The following SREK1IP1 variants were observed in gnomAD, a reference collection of about 807,000 sequenced individuals.
The protein encoded by SREK1IP1 is SREK1 interacting protein 1.
Under a neutral mutation model 22.8 loss-of-function variants are expected in SREK1IP1, and 12 were observed. The observed-to-expected ratio is 0.53, with a 90% CI of 0.34 to 0.85. The LOEUF (loss-of-function observed/expected upper bound fraction) is 0.85. SREK1IP1 is among the 40% of genes least tolerant of loss of function. The probability of loss-of-function intolerance (pLI) is 0.02; values close to 1 mark genes in which losing one functional copy is unlikely to be tolerated. For missense variants in SREK1IP1, 147 were observed against 171.8 expected (o/e 0.86, Z 0.81); for synonymous variants, 53 against 52.7 (o/e 1.01, Z -0.02).
chr5:64,755,377 A>G lies in SREK1IP1; in HGVS notation c.14-1015T>C, dbSNP rs528875740. Among the ~76,000 whole-genome samples, 4 of 152,366 alleles carry G rather than the reference A, an allele frequency of 2.6e-5. No homozygotes were observed. The South Asian group carries it at 8.3e-4, about 32-fold the overall frequency. ...ATACACTATGGAATACTATGAAGCC[A>G]TAAAAAAGAACGAAATTACATCCTT... On this transcript the variant is annotated intron_variant, in intron 1 of 4. Transcript: ENST00000513458.
At chr5:64,762,876 A>C (rs1365235167) in intron 1 of SREK1IP1, among the ~76,000 whole-genome samples, 2 of 151,830 alleles carry the variant, frequency 1.3e-5, no homozygotes, top group Non-Finnish European at 2.9e-5. Context: ...ATATGGTGAA[A>C]CTCCATCTCT....
chr5:64,752,221 G>A (rs569723585), intron 2 of SREK1IP1, among the ~76,000 whole-genome samples: 35 of 136,626 alleles, frequency 2.6e-4, no homozygotes, highest in South Asian at 7.2e-4. Flanking sequence ...GCGCAATCTC[G>A]GCTCACTGCA....
At chr5:64,729,953 C>G (rs1449526263) in intron 3 of SREK1IP1, among the ~76,000 whole-genome samples, 4 of 152,110 alleles carry the variant, frequency 2.6e-5, no homozygotes, top group Non-Finnish European at 1.5e-5. Context: ...TTAGTCTGGA[C>G]ACACACACTG....
chr5:64,764,152 A>G (rs1472122594), intron 1 of SREK1IP1, among the ~76,000 whole-genome samples: 1 of 152,146 alleles, frequency 6.6e-6, no homozygotes, highest in Non-Finnish European at 1.5e-5. Context: ...AAAAAATCAC[A>G]AAAAAACTCA....
chr5:64,756,599 T>C (rs1742845702), intron 1 of SREK1IP1, among the ~76,000 whole-genome samples: 1 of 152,130 alleles, frequency 6.6e-6, no homozygotes, highest in African/African-American at 2.4e-5. Context: ...AGCCCCAGTA[T>C]AGTATTATTC....
intron 2 of SREK1IP1, among the ~76,000 whole-genome samples, chr5:64,752,144 GTGTTTTTTTTT>G (rs1742755369): frequency 1.2e-5 from 1 of 85,476 alleles, no homozygotes; most frequent in African/African-American, 5.3e-5. Flanking sequence ...TTTTTTTTGT[GTGTTTTTTTTT>G]TTTTTTTTTT....
chr5:64,726,791 T>C (rs557647271), intron 4 of SREK1IP1, among the ~76,000 whole-genome samples: 7 of 152,284 alleles, frequency 4.6e-5, no homozygotes, highest in African/African-American at 1.2e-4. Context: ...TAATAAAGCA[T>C]TGAATATCTC....
intron 4 of SREK1IP1, among the ~76,000 whole-genome samples, chr5:64,727,367 T>C (rs1580536682): frequency 6.9e-6 from 1 of 145,306 alleles, no homozygotes; most frequent in African/African-American, 2.8e-5. Context: ...AAAGAGTTAA[T>C]AGTAAAAATG....
intron 3 of SREK1IP1, among the ~76,000 whole-genome samples, chr5:64,736,411 G>T (rs1431014219): frequency 3.3e-5 from 5 of 151,896 alleles, no homozygotes; most frequent in Non-Finnish European, 5.9e-5. Context: ...TTTATTTACG[G>T]TTATACCAGG....
intron 1 of SREK1IP1, among the ~76,000 whole-genome samples, chr5:64,758,048 A>AT (rs1378635916): frequency 5.6e-5 from 8 of 143,742 alleles, no homozygotes; most frequent in Middle Eastern, 3.6e-3. Flanking sequence ...AATTTTTTGT[A>AT]TTTTTTTTTA....
intron 4 of SREK1IP1, among the ~76,000 whole-genome samples, chr5:64,726,196 T>C (rs1742261837): frequency 6.6e-6 from 1 of 152,008 alleles, no homozygotes; most frequent in Non-Finnish European, 1.5e-5. Context: ...AAGGCAAAAT[T>C]TCAGGCTGTG....
intron 3 of SREK1IP1, among the ~76,000 whole-genome samples, chr5:64,737,889 G>GA (rs1372564967): frequency 1.3e-5 from 2 of 152,058 alleles, no homozygotes; most frequent in African/African-American, 4.8e-5. Context: ...TGAAGAAATC[G>GA]AAAATAGGAA....
At chr5:64,746,953 A>C (rs1742648051) in intron 2 of SREK1IP1, among the ~76,000 whole-genome samples, 1 of 152,218 alleles carries the variant, frequency 6.6e-6, no homozygotes, top group Non-Finnish European at 1.5e-5. Flanking sequence ...AGGCTCACAG[A>C]ACTCAGCAAA....
chr5:64,727,245 TA>T (rs1425357727), intron 4 of SREK1IP1, among the ~76,000 whole-genome samples: 2 of 151,296 alleles, frequency 1.3e-5, no homozygotes, highest in East Asian at 3.9e-4. Flanking sequence ...TAAGTGCTTT[TA>T]AAAAATGCCT....
intron 2 of SREK1IP1, among the ~76,000 whole-genome samples, chr5:64,743,864 G>A (rs886963638): frequency 3.9e-5 from 6 of 152,076 alleles, no homozygotes. Context: ...GGCATGAGTG[G>A]AGCAGGAGAG....
At chr5:64,731,072 G>T (rs946502597) in intron 3 of SREK1IP1, among the ~76,000 whole-genome samples, 3 of 152,144 alleles carry the variant, frequency 2.0e-5, no homozygotes, top group African/African-American at 7.2e-5. Context: ...AGCGTACAGT[G>T]TATGCCATTA....
chr5:64,765,782 A>C (rs1176696885), intron 1 of SREK1IP1, among the ~76,000 whole-genome samples: 2 of 152,220 alleles, frequency 1.3e-5, no homozygotes, highest in African/African-American at 4.8e-5. Flanking sequence ...TTAAAAAATC[A>C]CTTTTGTCCC....
intron 3 of SREK1IP1, among the ~76,000 whole-genome samples, chr5:64,734,073 T>A (rs1051578350): frequency 2.0e-5 from 3 of 152,084 alleles, no homozygotes; most frequent in African/African-American, 7.2e-5. Context: ...TTATCCTGCT[T>A]TGAAACTGTA....
chr5:64,726,633 C>T (rs1208428849), intron 4 of SREK1IP1, among the ~76,000 whole-genome samples: 1 of 151,760 alleles, frequency 6.6e-6, no homozygotes, highest in Non-Finnish European at 1.5e-5. Context: ...TGGAGTTACG[C>T]CTTGATAAAT....
Sources: allele counts gnomAD v4.1 joint callset (sites outside exome capture counted in the v4.1 genomes callset), GRCh38; gene constraint gnomAD v4.1.1; transcripts MANE v1.5; gene names NCBI Gene and HGNC (gene_info 2026-07-23, HGNC 2026-07-21).